The following ACTA2 variants were observed in gnomAD, a reference collection of about 807,000 sequenced individuals.
ACTA2 encodes actin, aortic smooth muscle.
In ACTA2, 12 loss-of-function variants were observed where a neutral mutation model predicts 39.5. That is an observed-to-expected ratio of 0.30 (90% CI 0.19 to 0.49). The LOEUF is 0.49. Among genes scored for constraint, ACTA2 ranks in the 20% least tolerant of loss-of-function variants. ACTA2 has a pLI of 0.99. For synonymous variants in ACTA2, 158 were observed against 180.6 expected, an observed-to-expected ratio of 0.88 and a Z score of 1.00; for missense variants, 236 against 498.8, an observed-to-expected ratio of 0.47 and a Z score of 5.02.
chr10:88,972,551 A>AT (rs1341361306), intron 1 of ACTA2, among the ~76,000 whole-genome samples: 2 of 149,718 alleles, frequency 1.3e-5, no homozygotes, highest in Non-Finnish European at 3.0e-5. Flanking sequence ...ATATTGTTTA[A>AT]TTTTTTTTCT....
At chr10:88,987,473 C>T (rs77496543) in intron 1 of ACTA2, among the ~76,000 whole-genome samples, 32 of 152,232 alleles carry the variant, frequency 2.1e-4, no homozygotes, top group Non-Finnish European at 2.9e-4. Context: ...AGCATGGTTT[C>T]CTCTCAGTGT....
Position 88,990,992 on chromosome 10 carries a change from GA to G in ACTA2, c.-78del. ...TGGGGCGGGCGCGGGACGCGTGCGG[GA>G]TTGCGGCGGCAGCGGCGCACGCGGG... On this transcript the variant is annotated 5_prime_UTR_variant, in exon 1 of 5. Coordinates refer to the ACTA2 transcript ENST00000415557. The surrounding 1 kb of genome is among the most constrained non-coding windows in gnomAD (Gnocchi z 4.9). 1 of 1,590,518 alleles carries G rather than the reference GA, an allele frequency of 6.3e-7. No homozygotes were observed. The highest frequency in any genetic ancestry group is 8.6e-7 in the Non-Finnish European group (1 of 1,160,974).
At chr10:88,945,751 A>G (rs919115248) in intron 3 of ACTA2, among the ~76,000 whole-genome samples, 2 of 152,186 alleles carry the variant, frequency 1.3e-5, no homozygotes, top group African/African-American at 4.8e-5. Flanking sequence ...CAAACCTGCA[A>G]TGTTACACTC....
chr10:88,941,986 G>T, intron 4 of ACTA2, 117 bp from the exon 5 acceptor site: 1 of 894,692 alleles, frequency 1.1e-6, no homozygotes, highest in Non-Finnish European at 1.8e-6. Flanking sequence ...GGCAGAGGAG[G>T]CCAAAGTAAG....
chr10:88,962,865 A>C (rs1458306034), intron 1 of ACTA2, among the ~76,000 whole-genome samples: 1 of 124,386 alleles, frequency 8.0e-6, no homozygotes, highest in Admixed American at 8.2e-5. Context: ...GAGCAAAGGG[A>C]CTTCTTAAAT....
At chr10:88,975,727 G>A (rs559865459) in intron 1 of ACTA2, among the ~76,000 whole-genome samples, 4 of 151,896 alleles carry the variant, frequency 2.6e-5, no homozygotes, top group African/African-American at 9.7e-5. Flanking sequence ...ATAAATATTC[G>A]AGAATTAAAG....
At chr10:88,981,916 T>C (rs1340613132) in intron 1 of ACTA2, among the ~76,000 whole-genome samples, 1 of 152,220 alleles carries the variant, frequency 6.6e-6, no homozygotes, top group Non-Finnish European at 1.5e-5. Context: ...TCTTGATACC[T>C]TTACTTGACA....
At chr10:88,954,337 G>A (rs982564180), upstream of ACTA2, among the ~76,000 whole-genome samples, 2 of 152,076 alleles carry the variant, frequency 1.3e-5, no homozygotes, top group Admixed American at 6.5e-5. Context: ...TATACTGCTC[G>A]GGATTTGTCT....
chr10:88,961,122 G>A (rs1268974885), intron 1 of ACTA2, among the ~76,000 whole-genome samples: 1 of 152,138 alleles, frequency 6.6e-6, no homozygotes, highest in Non-Finnish European at 1.5e-5. Context: ...AGTGATGTGA[G>A]GTAGAAGAGT....
At chr10:88,976,035 T>C (rs1256932294) in intron 1 of ACTA2, among the ~76,000 whole-genome samples, 1 of 152,212 alleles carries the variant, frequency 6.6e-6, no homozygotes, top group East Asian at 1.9e-4. Context: ...TTATGTCCCA[T>C]CCCGATTAGG....
At chr10:88,973,600 A>G (rs1286946736) in intron 1 of ACTA2, 1 of 243,994 alleles carries the variant, frequency 4.1e-6, no homozygotes, top group Non-Finnish European at 7.8e-6. Context: ...AACATAGACC[A>G]TTCATTCTTC....
intron 1 of ACTA2, among the ~76,000 whole-genome samples, chr10:88,967,593 C>A (rs1279839660): frequency 6.6e-6 from 1 of 152,178 alleles, no homozygotes; most frequent in Non-Finnish European, 1.5e-5. Context: ...CGCAGCTTGG[C>A]AACCTTCAAA....
At chr10:88,976,789 A>G (rs1396480605) in intron 1 of ACTA2, among the ~76,000 whole-genome samples, 2 of 152,254 alleles carry the variant, frequency 1.3e-5, no homozygotes, top group Non-Finnish European at 2.9e-5. Flanking sequence ...AAATAAAACC[A>G]AATGTAAAGG....
rs183592658 is a variant in ACTA2 at position 88,945,249 on chromosome 10, A to G, written c.259-1342T>C. On this transcript the variant is annotated intron_variant, in intron 3 of 8. Coordinates refer to ENST00000224784, the MANE Select transcript of ACTA2 (RefSeq NM_001613.4). ...AGAAATTCTAAAAGAATATTTTCCT[A>G]TTGATATTGATATCTTTTTCTCTGT... Among the ~76,000 whole-genome samples, 4 of 152,350 alleles carry G rather than the reference A, an allele frequency of 2.6e-5. No homozygotes were observed. The East Asian group carries it at 7.7e-4, about 29-fold the overall frequency.
intron 8 of ACTA2, among the ~76,000 whole-genome samples, chr10:88,935,936 A>G (rs1845730075): frequency 6.6e-6 from 1 of 152,136 alleles, no homozygotes; most frequent in Non-Finnish European, 1.5e-5. Flanking sequence ...TTCCCAGTGC[A>G]CAGGCCTAAC....
chr10:88,940,714 A>G (rs1845831619), intron 6 of ACTA2: 2 of 212,328 alleles, frequency 9.4e-6, no homozygotes, highest in Non-Finnish European at 9.7e-6. Context: ...AATAGCTAAC[A>G]ATTATTGAAT....
At chr10:88,982,991 C>T (rs1009282055) in intron 1 of ACTA2, among the ~76,000 whole-genome samples, 3 of 152,164 alleles carry the variant, frequency 2.0e-5, no homozygotes, top group Admixed American at 6.5e-5. Context: ...CAGAACGTGG[C>T]ATCAACATCA....
intron 8 of ACTA2, 21 bp from the exon 9 acceptor site, chr10:88,935,387 G>T: frequency 3.1e-6 from 5 of 1,613,248 alleles, no homozygotes; most frequent in Non-Finnish European, 4.2e-6. Context: ...AGATGAAAAA[G>T]AATGGTCATT....
chr10:88,960,382 A>C (rs1589408209), intron 1 of ACTA2, among the ~76,000 whole-genome samples: 1 of 152,180 alleles, frequency 6.6e-6, no homozygotes, highest in East Asian at 1.9e-4. Flanking sequence ...AGACTAGCTG[A>C]TAGTCACTTA....
Sources: allele counts gnomAD v4.1 joint callset (sites outside exome capture counted in the v4.1 genomes callset), GRCh38; gene constraint gnomAD v4.1.1; non-coding constraint Gnocchi (gnomAD v3.1); transcripts MANE v1.5; gene names NCBI Gene and HGNC (gene_info 2026-07-23, HGNC 2026-07-21).